The following PXDNL variants were observed in gnomAD, a reference collection of about 807,000 sequenced individuals.
PXDNL encodes probable oxidoreductase PXDNL.
In PXDNL, 145 loss-of-function variants were observed where a neutral mutation model predicts 150.8. That is an observed-to-expected ratio of 0.96 (90% CI 0.84 to 1.10). The LOEUF (loss-of-function observed/expected upper bound fraction) is 1.10. PXDNL is among the 50% of genes least tolerant of loss of function. The pLI is 0.00. For synonymous variants in PXDNL, 757 were observed against 725.7 expected, an observed-to-expected ratio of 1.04 and a Z score of -0.69; for missense variants, 2,087 against 1,873.9, an observed-to-expected ratio of 1.11 and a Z score of -2.10.
intron 21 of PXDNL, among the ~76,000 whole-genome samples, chr8:51,330,956 C>T (rs1805662986): frequency 6.6e-6 from 1 of 152,134 alleles, no homozygotes; most frequent in Non-Finnish European, 1.5e-5. Context: ...ATAAGGACTT[C>T]CGATAGATGA....
At chr8:51,634,906 A>C (rs933031455) in intron 2 of PXDNL, among the ~76,000 whole-genome samples, 1 of 132,586 alleles carries the variant, frequency 7.5e-6, no homozygotes, top group Admixed American at 6.9e-5. Flanking sequence ...GTAGGTACAG[A>C]ATCATATTGT....
At chr8:51,328,124 A>G (rs1805574836) in intron 21 of PXDNL, among the ~76,000 whole-genome samples, 1 of 152,270 alleles carries the variant, frequency 6.6e-6, no homozygotes. Context: ...GCAGCCTCCC[A>G]GAGCAAGACT....
rs142924022 is a variant in PXDNL, at chr8:51,500,055, G to T, written c.381-285C>A. The stretch of plus-strand genomic sequence containing the variant: ...CCTCTTGAGTCGATGCTAACTGGTT[G>T]TTGAAATTACTCTTTTATTCATTAA... On this transcript the variant is annotated intron_variant, in intron 4 of 22. Coordinates refer to ENST00000356297, the MANE Select transcript of PXDNL (RefSeq NM_144651.5). Among the ~76,000 whole-genome samples the T allele has an allele frequency of 2.3e-4, 35 of 152,264 alleles. No homozygotes were observed. In the East Asian group the frequency reaches 6.8e-3, roughly 29 times the overall value.
Position 51,482,218 on chromosome 8 carries a change from AAGG to A in PXDNL, c.524+1422_524+1424del, listed in dbSNP as rs1810620785. Reference sequence around the variant, plus strand: ...GACCTGGTCGTGAGACATGGAGTCAAAGGAGATCATTTTGGAGCTTTAAGATTT... The same window carrying A: ...GACCTGGTCGTGAGACATGGAGTCAAAGATCATTTTGGAGCTTTAAGATTT... On this transcript the variant is annotated intron_variant, in intron 6 of 22. Coordinates refer to ENST00000356297, the MANE Select transcript of PXDNL (RefSeq NM_144651.5). 2.0e-5 allele frequency among the ~76,000 whole-genome samples: 3 copies of A among 152,306 alleles called. No individual in the cohort carries two copies. In the South Asian group the frequency reaches 6.2e-4, roughly 32 times the overall value.
At chr8:51,380,323 G>A (rs543309085) in intron 17 of PXDNL, among the ~76,000 whole-genome samples, 1 of 152,288 alleles carries the variant, frequency 6.6e-6, no homozygotes, top group Non-Finnish European at 1.5e-5. Context: ...AGCTTTACCA[G>A]TTTAATTTTA....
rs537361874 is a variant in PXDNL at position 51,404,821 on chromosome 8, G to A, written c.3557+3246C>T. Among the ~76,000 whole-genome samples, 293 of 152,322 alleles carry A rather than the reference G, an allele frequency of 1.9e-3. 3 individuals carry two copies. Among genetic ancestry groups the A allele is most frequent in the African/African-American group, 6.5e-3 (270 of 41,588 alleles). On this transcript the variant is annotated intron_variant, in intron 17 of 22. Coordinates refer to ENST00000356297, the MANE Select transcript of PXDNL (RefSeq NM_144651.5). ...GCCCACCAGTCCCACGCAGTGCGCCGGCACTCCTCAGCCCTTGGGCGGTCG... is the reference window on the plus strand; with the variant it reads ...GCCCACCAGTCCCACGCAGTGCGCCAGCACTCCTCAGCCCTTGGGCGGTCG...
chr8:51,752,508 C>T (rs897227152), intron 1 of PXDNL, among the ~76,000 whole-genome samples: 1 of 152,116 alleles, frequency 6.6e-6, no homozygotes, highest in African/African-American at 2.4e-5. Context: ...GAAACAGTTG[C>T]TATGGAGGCC....
At chr8:51,416,638 T>C (rs1396491789) in intron 14 of PXDNL, among the ~76,000 whole-genome samples, 1 of 152,242 alleles carries the variant, frequency 6.6e-6, no homozygotes, top group East Asian at 1.9e-4. Context: ...CTATAGGCAA[T>C]CTGTATCCTC....
chr8:51,761,962 A>T (rs755874443), intron 1 of PXDNL, among the ~76,000 whole-genome samples: 1 of 152,214 alleles, frequency 6.6e-6, no homozygotes, highest in Non-Finnish European at 1.5e-5. Context: ...AGAATCTTAG[A>T]GTGTAGGATT....
chr8:51,679,154 CCTT>C lies in PXDNL; in HGVS notation c.165-24397_165-24395del, dbSNP rs550557271. Among the ~76,000 whole-genome samples the C allele has an allele frequency of 1.1e-3, 162 of 152,330 alleles. 1 individual carries two copies. Among genetic ancestry groups the C allele is most frequent in the African/African-American group, 3.7e-3 (152 of 41,576 alleles). On this transcript the variant is annotated intron_variant, in intron 1 of 22. Transcript: ENST00000356297. The stretch of plus-strand genomic sequence containing the variant: ...TTCCCATTCTAAAGTTATAAGCATT[CCTT>C]CTTCCTTTTAGTTGAAAATTTGTTT...
rs1319972092 is a variant in PXDNL, at chr8:51,509,751, C to T, written c.381-9981G>A. Among the ~76,000 whole-genome samples the T allele has an allele frequency of 2.0e-3, 170 of 86,392 alleles. 2 individuals are homozygous for T. The highest frequency in any genetic ancestry group is 7.5e-3 in the Middle Eastern group (1 of 134). The allele number at this position is 86,392 out of a possible 152,430, so 56.7% of individuals were successfully genotyped here. ...ATATATATACATATATACACACACA[C>T]ACACACACACACACACACACACAAA... is the stretch of plus-strand genomic sequence containing the variant. On this transcript the variant is annotated intron_variant, in intron 4 of 22. Coordinates refer to ENST00000356297, the MANE Select transcript of PXDNL (RefSeq NM_144651.5).
chr8:51,695,055 T>C (rs916479742), intron 1 of PXDNL, among the ~76,000 whole-genome samples: 1 of 152,202 alleles, frequency 6.6e-6, no homozygotes, highest in African/African-American at 2.4e-5. Context: ...CTATGTTTAT[T>C]AGAAATGAAA....
intron 4 of PXDNL, among the ~76,000 whole-genome samples, chr8:51,531,324 C>T (rs987062097): frequency 6.6e-6 from 1 of 152,198 alleles, no homozygotes; most frequent in Non-Finnish European, 1.5e-5. Flanking sequence ...TGTTCTCTAA[C>T]GAGTCTTTGC....
At chr8:51,448,677 G>T (rs948390055) in intron 11 of PXDNL, among the ~76,000 whole-genome samples, 5 of 150,190 alleles carry the variant, frequency 3.3e-5, no homozygotes, top group Non-Finnish European at 7.4e-5. Context: ...TCCAGCCTGG[G>T]CGACAGAACA....
chr8:51,502,348 C>T (rs1811204735), intron 4 of PXDNL, among the ~76,000 whole-genome samples: 1 of 152,146 alleles, frequency 6.6e-6, no homozygotes, highest in Non-Finnish European at 1.5e-5. Context: ...CAGAGCCTTT[C>T]TTGGGTATGG....
chr8:51,664,077 A>G (rs1056801138), intron 1 of PXDNL, among the ~76,000 whole-genome samples: 7 of 151,162 alleles, frequency 4.6e-5, no homozygotes, highest in African/African-American at 7.3e-5. Flanking sequence ...AAGAGCGAGA[A>G]AGAGAGAAAT....
chr8:51,787,572 G>A (rs894547770), intron 1 of PXDNL, among the ~76,000 whole-genome samples: 1 of 152,224 alleles, frequency 6.6e-6, no homozygotes, highest in Non-Finnish European at 1.5e-5. Context: ...CCTGTGATAT[G>A]ACTGAATTGC....
At position 51,407,543 on chromosome 8, in the gene PXDNL, C is replaced by G. The variant is rs188301928; in HGVS notation, c.3557+524G>C. ...TGTAGTTTTAATGAAACTTCAAATC[C>G]CGTATGTAGAAAAAGTTAACAGTAA... On this transcript the variant is annotated intron_variant, in intron 17 of 22. Transcript: ENST00000356297. Among the ~76,000 whole-genome samples, 176 of 152,014 alleles carry G rather than the reference C, an allele frequency of 1.2e-3. 1 individual carries two copies. The highest frequency in any genetic ancestry group is 2.0e-3 in the Non-Finnish European group (136 of 68,024).
rs77419735 is a variant in PXDNL at position 51,783,021 on chromosome 8, C to A, written c.164+26160G>T. Among the ~76,000 whole-genome samples, 35 of 152,286 alleles carry A rather than the reference C, an allele frequency of 2.3e-4. No individual in the cohort carries two copies. The East Asian group carries it at 6.7e-3, about 29-fold the overall frequency. ...TAATGGCTTAGGCAATAGGCAATAT[C>A]CAGACATGCATACAATTGTATAAAA... On this transcript the variant is annotated intron_variant, in intron 1 of 22. Transcript: ENST00000356297.
Sources: allele counts gnomAD v4.1 joint callset (sites outside exome capture counted in the v4.1 genomes callset), GRCh38; gene constraint gnomAD v4.1.1; transcripts MANE v1.5; gene names NCBI Gene and HGNC (gene_info 2026-07-23, HGNC 2026-07-21).